The following ESR2 variants were observed in gnomAD, a reference collection of about 807,000 sequenced individuals.
ESR2 encodes estrogen receptor beta.
ESR2 carries 36 observed loss-of-function variants against 49.6 expected under a neutral mutation model. That is an observed-to-expected ratio of 0.73 (90% CI 0.56 to 0.96). ESR2 has a LOEUF of 0.96. Ranked by LOEUF, ESR2 falls within the 40% of genes least tolerant of loss-of-function variation. ESR2 has a pLI of 0.00. For synonymous variants in ESR2, 320 were observed against 266.1 expected, an observed-to-expected ratio of 1.20 and a Z score of -1.97; for missense variants, 714 against 693.0, an observed-to-expected ratio of 1.03 and a Z score of -0.34.
Position 64,232,833 on chromosome 14 carries a change from A to T in ESR2, c.*304T>A. On this transcript the variant is annotated 3_prime_UTR_variant, in exon 9 of 9. Transcript: ENST00000341099. Reference sequence around the variant, plus strand: ...TTCCACCATTCATTCCAAAACCTTTAAGATGTTTCACAAAGGGGAGGAAGG... The same window carrying T: ...TTCCACCATTCATTCCAAAACCTTTTAGATGTTTCACAAAGGGGAGGAAGG... 1 of 304,382 alleles carries T rather than the reference A, an allele frequency of 3.3e-6. No homozygotes were observed. The allele number at this position is 304,382 out of a possible 1,614,324, so 18.9% of individuals were successfully genotyped here.
intron 1 of ESR2, 74 bp from the exon 2 acceptor site, chr14:64,283,149 T>A: frequency 5.1e-6 from 3 of 588,098 alleles, no homozygotes; most frequent in South Asian, 3.0e-5. Context: ...ATATTTTCAT[T>A]AAAAAAATAC....
At chr14:64,296,037 C>T (rs1333729209), upstream of ESR2, among the ~76,000 whole-genome samples, 3 of 95,928 alleles carry the variant, frequency 3.1e-5, no homozygotes, top group Admixed American at 1.4e-4. Context: ...GAGCGAGACT[C>T]TGTCTCAAAA....
Position 64,280,100 on chromosome 14 carries a change from C to A in ESR2, c.416G>T (p.Gly139Val), listed in dbSNP as rs1220272380. 6.2e-7 allele frequency: 1 copy of A among 1,614,090 alleles called. No homozygotes were observed. Among genetic ancestry groups the A allele is most frequent in the Non-Finnish European group, 8.5e-7 (1 of 1,179,972 alleles). Residue 139 changes from glycine to valine, a missense_variant, in exon 3 of 9, where the codon GGT (glycine) becomes GTT (valine). Coordinates refer to ENST00000341099, the MANE Select transcript of ESR2 (RefSeq NM_001437.3). Reference sequence around the variant, plus strand: ...GTGAGCATCCCTCTTTGAACCTGGACCAGTAACAGGGCTGGCGCAACGGTT... The same window carrying A: ...GTGAGCATCCCTCTTTGAACCTGGAACAGTAACAGGGCTGGCGCAACGGTT... ...SGNRCASPVT[G>V]PGSKRDAHFC...
At chr14:64,290,962 G>T (rs1013438187) in intron 1 of ESR2, among the ~76,000 whole-genome samples, 1 of 152,156 alleles carries the variant, frequency 6.6e-6, no homozygotes, top group Non-Finnish European at 1.5e-5. Flanking sequence ...ACCAAGCCTC[G>T]AAGGCAGGGG....
intron 3 of ESR2, among the ~76,000 whole-genome samples, chr14:64,273,858 T>C (rs1271461351): frequency 6.6e-6 from 1 of 152,134 alleles, no homozygotes; most frequent in African/African-American, 2.4e-5. Context: ...ATTGTTTGAA[T>C]AGGATTGGCA....
upstream of ESR2, chr14:64,297,578 T>A (rs996944475): frequency 6.6e-6 from 1 of 152,202 alleles, no homozygotes; most frequent in Non-Finnish European, 1.5e-5. Flanking sequence ...ATGTCTTACA[T>A]CTCTAGCATT....
rs1028741594 is a variant in ESR2, at chr14:64,293,432, T to C, written c.-91+601A>G. Among the ~76,000 whole-genome samples, 4 of 152,338 alleles carry C rather than the reference T, an allele frequency of 2.6e-5. No individual in the cohort carries two copies. In the East Asian group the frequency reaches 7.7e-4, roughly 29 times the overall value. ...ATTAAATCAACCTTATCTTCCTAAATAGAAGTCCACTCAAAGTTTTTTCAC... is the reference window on the plus strand; with the variant it reads ...ATTAAATCAACCTTATCTTCCTAAACAGAAGTCCACTCAAAGTTTTTTCAC... On this transcript the variant is annotated intron_variant, in intron 1 of 8. Transcript: ENST00000341099.
chr14:64,328,983 T>A (rs2077421934), intron 1 of ESR2, among the ~76,000 whole-genome samples: 1 of 152,118 alleles, frequency 6.6e-6, no homozygotes, highest in Admixed American at 6.5e-5. Flanking sequence ...TTAGTATTAG[T>A]TGTAGATATT....
chr14:64,243,114 G>A (rs1041794349), intron 7 of ESR2, among the ~76,000 whole-genome samples: 16 of 152,158 alleles, frequency 1.1e-4, no homozygotes, highest in Non-Finnish European at 2.2e-4. Flanking sequence ...ATGAGATTTG[G>A]GTGGGGACAC....
Position 64,245,255 on chromosome 14 carries a change from C to T in ESR2, c.1225+4291G>A, listed in dbSNP as rs141050217. Among the ~76,000 whole-genome samples, 731 of 152,060 alleles carry T rather than the reference C, an allele frequency of 4.8e-3. 4 individuals carry two copies. Among genetic ancestry groups the T allele is most frequent in the Admixed American group, 7.3e-3 (111 of 15,274 alleles). On this transcript the variant is annotated intron_variant, in intron 7 of 8. Coordinates refer to ENST00000341099, the MANE Select transcript of ESR2 (RefSeq NM_001437.3). Reference sequence around the variant, plus strand: ...CCTTAAAAGAAGATCTCTGGCCAGGCGAGGGCCCAGCACTTTGGGAGGCCG... The same window carrying T: ...CCTTAAAAGAAGATCTCTGGCCAGGTGAGGGCCCAGCACTTTGGGAGGCCG...
chr14:64,273,580 A>G (rs1172367961), intron 3 of ESR2, among the ~76,000 whole-genome samples: 1 of 134,888 alleles, frequency 7.4e-6, no homozygotes, highest in Non-Finnish European at 1.5e-5. Flanking sequence ...TTCCACCTTC[A>G]TTCTGTCGAT....
Position 64,230,377 on chromosome 14 carries a change from A to G in ESR2, c.*2760T>C, listed in dbSNP as rs1026450301. Among the ~76,000 whole-genome samples, 21 of 152,166 alleles carry G rather than the reference A, an allele frequency of 1.4e-4. No individual in the cohort carries two copies. The highest frequency in any genetic ancestry group is 1.5e-5 in the Non-Finnish European group (1 of 68,024). ...AATTGCTTCAATTCCACTTATATAC[A>G]TAAATATATATGGATATATAATATG... On this transcript the variant is annotated 3_prime_UTR_variant, in exon 9 of 9. Transcript: ENST00000341099.
At chr14:64,265,745 G>A (rs1480049291) in intron 4 of ESR2, among the ~76,000 whole-genome samples, 1 of 152,084 alleles carries the variant, frequency 6.6e-6, no homozygotes, top group East Asian at 1.9e-4. Context: ...ACCATTATAT[G>A]ACCACATCCA....
intron 7 of ESR2, among the ~76,000 whole-genome samples, chr14:64,241,169 AAGAT>A (rs1402060754): frequency 2.1e-5 from 3 of 143,228 alleles, no homozygotes; most frequent in Admixed American, 1.4e-4. Flanking sequence ...AAAAAAAAAA[AAGAT>A]AGGCTAGGCT....
chr14:64,299,169 G>T (rs1226146530), upstream of ESR2, among the ~76,000 whole-genome samples: 8 of 151,312 alleles, frequency 5.3e-5, no homozygotes, highest in East Asian at 1.6e-3. Context: ...AAAAAAAAAG[G>T]TACAGACAGA....
intron 1 of ESR2, among the ~76,000 whole-genome samples, chr14:64,283,479 C>T (rs1214157105): frequency 6.6e-6 from 1 of 152,106 alleles, no homozygotes; most frequent in Non-Finnish European, 1.5e-5. Flanking sequence ...CGCTATGAGG[C>T]CAAGCGTAGT....
chr14:64,327,018 A>G (rs1300857491), intron 1 of ESR2, among the ~76,000 whole-genome samples: 1 of 152,222 alleles, frequency 6.6e-6, no homozygotes, highest in East Asian at 1.9e-4. Context: ...TTCTTCAAAA[A>G]TCAATCAAAA....
In ESR2 at chr14:64,233,229, G is replaced by A. The variant is rs528840784; in HGVS notation, c.1501C>T (p.Arg501Cys). The change falls in exon 9 of 9, where the codon CGC becomes TGC. Residue 501 changes from arginine to cysteine, a missense_variant. Physicochemically the swap from Arg to Cys is radical, Grantham distance 180. Coordinates refer to ENST00000341099, the MANE Select transcript of ESR2 (RefSeq NM_001437.3). ...CCCGTGATGGAGGACTTGCACCCGC[G>A]AAGCACGTGGGCATTCAGCATCTCC... ...LLEMLNAHVL[R>C]GCKSSITGSE... 3.1e-5 allele frequency: 50 copies of A among 1,614,060 alleles called. No homozygotes were observed. Among genetic ancestry groups the A allele is most frequent in the East Asian group, 2.2e-4 (10 of 44,902 alleles).
Position 64,229,156 on chromosome 14 carries a change from A to G in ESR2, c.*3981T>C, listed in dbSNP as rs1014823105. ...TATGCATCTTATTTTTCCATCTGTCATTGCTGCTGTTGTGTAAAGGCTCAT... is the reference window on the plus strand; with the variant it reads ...TATGCATCTTATTTTTCCATCTGTCGTTGCTGCTGTTGTGTAAAGGCTCAT... On this transcript the variant is annotated 3_prime_UTR_variant, in exon 9 of 9. Transcript: ENST00000341099. 7.9e-5 allele frequency among the ~76,000 whole-genome samples: 12 copies of G among 152,126 alleles called. No homozygotes were observed. Among genetic ancestry groups the G allele is most frequent in the African/African-American group, 2.9e-4 (12 of 41,418 alleles).
Sources: gnomAD v4.1 joint callset for allele counts (sites outside exome capture counted in the v4.1 genomes callset) on GRCh38, gnomAD v4.1.1 for gene constraint, MANE v1.5 for transcripts, NCBI Gene and HGNC (gene_info 2026-07-23, HGNC 2026-07-21) for gene names.